SLC16A9: variants seen among roughly 807,000 people sequenced by gnomAD.
SLC16A9 encodes monocarboxylate transporter 9.
SLC16A9 carries 26 observed loss-of-function variants against 44.3 expected under a neutral mutation model. The ratio of observed to expected loss-of-function variants is 0.59; its 90% confidence interval spans 0.43 to 0.81. SLC16A9 has a LOEUF of 0.81. Ranked by LOEUF, SLC16A9 falls within the 40% of genes least tolerant of loss-of-function variation. The pLI is 0.00. For missense variants in SLC16A9, 559 were observed against 595.8 expected (o/e 0.94, Z 0.64); for synonymous variants, 230 against 225.1 (o/e 1.02, Z -0.19).
chr10:59,685,627 T>C (rs865774542), intron 1 of SLC16A9, among the ~76,000 whole-genome samples: 1 of 152,258 alleles, frequency 6.6e-6, no homozygotes, highest in African/African-American at 2.4e-5. Context: ...TATGGGACTT[T>C]ATCTTAGTTT....
chr10:59,683,264 T>C (rs1041508419), intron 2 of SLC16A9, among the ~76,000 whole-genome samples: 53 of 152,260 alleles, frequency 3.5e-4, no homozygotes, highest in African/African-American at 1.3e-3. Flanking sequence ...GTTCCAAATA[T>C]GTTGGAATAA....
chr10:59,697,430 T>C (rs1177137449), intron 1 of SLC16A9, among the ~76,000 whole-genome samples: 1 of 151,702 alleles, frequency 6.6e-6, no homozygotes, highest in Non-Finnish European at 1.5e-5. Context: ...TCTGTGACCT[T>C]ACCCCCAACC....
intron 3 of SLC16A9, among the ~76,000 whole-genome samples, chr10:59,668,862 T>C (rs1839683417): frequency 6.6e-6 from 1 of 151,874 alleles, no homozygotes; most frequent in African/African-American, 2.4e-5. Flanking sequence ...TCTTCAATTA[T>C]ATAACAATTT....
intron 2 of SLC16A9, among the ~76,000 whole-genome samples, chr10:59,674,379 C>T (rs1303706153): frequency 1.3e-5 from 2 of 152,148 alleles, no homozygotes; most frequent in Non-Finnish European, 2.9e-5. Context: ...GCTCCTGGTG[C>T]TTAAGGCTCT....
intron 4 of SLC16A9, among the ~76,000 whole-genome samples, chr10:59,656,025 T>A (rs1839341883): frequency 6.6e-6 from 1 of 152,056 alleles, no homozygotes; most frequent in South Asian, 2.1e-4. Context: ...ACCCCTTCAT[T>A]CCCAAAAGGA....
chr10:59,702,099 C>T (rs986435724), intron 1 of SLC16A9, among the ~76,000 whole-genome samples: 1 of 152,188 alleles, frequency 6.6e-6, no homozygotes, highest in South Asian at 2.1e-4. Flanking sequence ...TGAAAGCCTA[C>T]TTACCTAAAA....
intron 1 of SLC16A9, among the ~76,000 whole-genome samples, chr10:59,702,609 A>G (rs1388565779): frequency 6.6e-6 from 1 of 152,252 alleles, no homozygotes; most frequent in Admixed American, 6.5e-5. Context: ...ACTTTAAGTC[A>G]GGCCCACTTG....
At chr10:59,697,212 A>G (rs1318810784) in intron 1 of SLC16A9, among the ~76,000 whole-genome samples, 1 of 149,932 alleles carries the variant, frequency 6.7e-6, no homozygotes, top group Admixed American at 6.6e-5. Context: ...CTGCCCGGCC[A>G]CCACCCCGTC....
chr10:59,663,433 A>G (rs1839529738), intron 4 of SLC16A9, among the ~76,000 whole-genome samples: 2 of 152,178 alleles, frequency 1.3e-5, no homozygotes, highest in Admixed American at 6.5e-5. Context: ...CAGCCATAAA[A>G]AAGAATGAGT....
At position 59,681,663 on chromosome 10, in the gene SLC16A9, G is replaced by GTAT. The variant is rs1554871539; in HGVS notation, c.196+2432_196+2433insATA. 0.043 allele frequency among the ~76,000 whole-genome samples: 118 copies of GTAT among 2,736 alleles called. 45 individuals are homozygous for GTAT. The Non-Finnish European group carries it at 0.55, about 13-fold the overall frequency. The allele number at this position is 2,736 out of a possible 152,430, so 1.8% of individuals were successfully genotyped here. ...TGTGTATGTGTATGTATATGTATAT[G>GTAT]ATGTATATGTATATGTATATGTATA... On this transcript the variant is annotated intron_variant, in intron 2 of 5. Coordinates refer to ENST00000395348, the MANE Select transcript of SLC16A9 (RefSeq NM_194298.3).
At chr10:59,656,926 G>A (rs1345731440) in intron 4 of SLC16A9, among the ~76,000 whole-genome samples, 1 of 152,086 alleles carries the variant, frequency 6.6e-6, no homozygotes, top group African/African-American at 2.4e-5. Context: ...AATATTAAAT[G>A]GCGTTCAGGG....
At position 59,677,270 on chromosome 10, in the gene SLC16A9, T is replaced by C. The variant is rs147466638; in HGVS notation, c.197-4357A>G. Reference sequence around the variant, plus strand: ...TCCTGGCTAATTAAAAAAAAAAAAATTATAGAGACAGGGTCTCATTATGTT... The same window carrying C: ...TCCTGGCTAATTAAAAAAAAAAAAACTATAGAGACAGGGTCTCATTATGTT... On this transcript the variant is annotated intron_variant, in intron 2 of 5. Transcript: ENST00000395348. Among the ~76,000 whole-genome samples, 1,389 of 151,766 alleles carry C rather than the reference T, an allele frequency of 9.2e-3. 6 individuals are homozygous for C. Among genetic ancestry groups the C allele is most frequent in the Non-Finnish European group, 0.014 (949 of 67,884 alleles).
intron 2 of SLC16A9, among the ~76,000 whole-genome samples, chr10:59,681,506 ATATGATGTATATGTATATGTG>A (rs1381919208): frequency 1.6e-5 from 1 of 63,772 alleles, no homozygotes; most frequent in African/African-American, 5.0e-5. Flanking sequence ...ATGTATATGT[ATATGATGTATATGTATATGTG>A]TATGTGTATG....
intron 2 of SLC16A9, 31 bp downstream of exon 2, chr10:59,684,065 A>G (rs374326071): frequency 9.6e-6 from 15 of 1,562,038 alleles, no homozygotes; most frequent in African/African-American, 1.4e-5. Flanking sequence ...ATGATTAAAG[A>G]GTAAAGAGAG....
intron 1 of SLC16A9, among the ~76,000 whole-genome samples, chr10:59,694,083 G>A (rs1017509699): frequency 1.3e-5 from 2 of 151,934 alleles, no homozygotes; most frequent in African/African-American, 4.8e-5. Flanking sequence ...GACTACAGGC[G>A]CCCGCCACCA....
chr10:59,704,564 A>C (rs1840598243), intron 1 of SLC16A9, among the ~76,000 whole-genome samples: 1 of 152,252 alleles, frequency 6.6e-6, no homozygotes, highest in South Asian at 2.1e-4. Context: ...AAAAGATGGA[A>C]AGGTCCAAAT....
intron 1 of SLC16A9, among the ~76,000 whole-genome samples, chr10:59,707,319 G>T (rs71495608): frequency 4.4e-5 from 5 of 112,854 alleles, no homozygotes; most frequent in African/African-American, 1.7e-4. Context: ...GAAGGGAAGG[G>T]AAGGGAAGGG....
At chr10:59,687,354 T>C (rs1175348820) in intron 1 of SLC16A9, among the ~76,000 whole-genome samples, 1 of 152,252 alleles carries the variant, frequency 6.6e-6, no homozygotes. Context: ...GGATTTCTTT[T>C]ACGAAGTTAA....
chr10:59,662,644 A>AAAAAGAAAG (rs1554867777), intron 4 of SLC16A9, among the ~76,000 whole-genome samples: 2 of 144,280 alleles, frequency 1.4e-5, no homozygotes, highest in African/African-American at 5.5e-5. Context: ...AAAAAAAAAA[A>AAAAAGAAAG]AAAAAAAAAG....
Sources: gnomAD v4.1 joint callset for allele counts (sites outside exome capture counted in the v4.1 genomes callset) on GRCh38, gnomAD v4.1.1 for gene constraint, MANE v1.5 for transcripts, NCBI Gene and HGNC (gene_info 2026-07-23, HGNC 2026-07-21) for gene names.